The following LRRTM4 variants were observed in gnomAD, a reference collection of about 807,000 sequenced individuals.
The protein encoded by LRRTM4 is leucine-rich repeat transmembrane neuronal protein 4.
A neutral mutation model predicts 47.6 loss-of-function variants in LRRTM4; 25 were observed. The observed-to-expected ratio is 0.53, with a 90% CI of 0.38 to 0.73. The LOEUF (loss-of-function observed/expected upper bound fraction) is 0.73, where lower values mean the gene tolerates loss of function less well. Ranked by LOEUF, LRRTM4 falls within the 30% of genes least tolerant of loss-of-function variation. The pLI, the probability that LRRTM4 is intolerant of heterozygous loss-of-function variation, is 0.00. For synonymous variants in LRRTM4, 311 were observed against 269.5 expected (o/e 1.15, Z -1.51); for missense variants, 638 against 713.4 (o/e 0.89, Z 1.20).
At chr2:77,062,932 T>G (rs1679835268) in intron 3 of LRRTM4, among the ~76,000 whole-genome samples, 1 of 112,098 alleles carries the variant, frequency 8.9e-6, no homozygotes, top group African/African-American at 3.1e-5. Flanking sequence ...GTTCCTCTTG[T>G]TCTTTTTTAA....
rs1168750442 is a variant in LRRTM4, at chr2:76,796,124, C to T, written c.1552-47208G>A. The stretch of plus-strand genomic sequence containing the variant: ...TTTTCAGACAGGCTTAAAAAAACGG[C>T]ACACCACAAGATTATATCCCGCACA... On this transcript the variant is annotated intron_variant, in intron 3 of 3. Transcript: ENST00000409884. 1.1e-4 allele frequency among the ~76,000 whole-genome samples: 16 copies of T among 141,066 alleles called. 2 individuals carry two copies. The highest frequency in any genetic ancestry group is 1.6e-4 in the Non-Finnish European group (10 of 63,782). The allele number at this position is 141,066 out of a possible 152,430, so 92.5% of individuals were successfully genotyped here. A position where few individuals can be genotyped will look rare whatever the true frequency, so the allele number is the denominator to read the frequency against.
intron 3 of LRRTM4, among the ~76,000 whole-genome samples, chr2:76,981,005 A>G (rs1484781298): frequency 6.6e-6 from 1 of 152,106 alleles, no homozygotes; most frequent in Non-Finnish European, 1.5e-5. Flanking sequence ...TCCTTGGGGC[A>G]AAGTTGTAAT....
intron 3 of LRRTM4, among the ~76,000 whole-genome samples, chr2:77,058,346 C>A (rs971031145): frequency 6.6e-6 from 1 of 152,044 alleles, no homozygotes; most frequent in Non-Finnish European, 1.5e-5. Context: ...CTAGAGCTAC[C>A]GACCATGAAA....
chr2:76,835,069 A>G (rs1276768686), intron 3 of LRRTM4, among the ~76,000 whole-genome samples: 1 of 152,140 alleles, frequency 6.6e-6, no homozygotes, highest in Non-Finnish European at 1.5e-5. Context: ...ATTTGAAAGA[A>G]TCATTCTTTT....
At chr2:77,013,608 C>T (rs1199896418) in intron 3 of LRRTM4, among the ~76,000 whole-genome samples, 5 of 151,980 alleles carry the variant, frequency 3.3e-5, no homozygotes, top group East Asian at 1.9e-4. Context: ...GAACAGGATA[C>T]GAGTTACAAT....
At chr2:77,475,190 T>C (rs1181788178) in intron 3 of LRRTM4, among the ~76,000 whole-genome samples, 4 of 152,108 alleles carry the variant, frequency 2.6e-5, no homozygotes, top group Non-Finnish European at 5.9e-5. Flanking sequence ...GTTTTGCAGC[T>C]GTAGCAACTC....
chr2:77,086,510 T>C (rs1680721646), intron 3 of LRRTM4, among the ~76,000 whole-genome samples: 1 of 147,424 alleles, frequency 6.8e-6, no homozygotes, highest in Non-Finnish European at 1.5e-5. Flanking sequence ...GGAGTTTCGC[T>C]CTTTTTGCCC....
chr2:77,252,212 G>T (rs960683287), intron 3 of LRRTM4, among the ~76,000 whole-genome samples: 1 of 152,126 alleles, frequency 6.6e-6, no homozygotes, highest in Non-Finnish European at 1.5e-5. Context: ...CATGTAAGGG[G>T]TGTAAATCTT....
chr2:77,041,385 C>T (rs1201540952), intron 3 of LRRTM4, among the ~76,000 whole-genome samples: 2 of 151,408 alleles, frequency 1.3e-5, no homozygotes, highest in Non-Finnish European at 3.0e-5. Context: ...CATGGGAGTA[C>T]AGGTACCTCC....
intron 3 of LRRTM4, among the ~76,000 whole-genome samples, chr2:77,307,016 C>A (rs1338959035): frequency 6.6e-6 from 1 of 150,500 alleles, no homozygotes; most frequent in Non-Finnish European, 1.5e-5. Flanking sequence ...TCTCCTGCCT[C>A]AGCCTCCCGC....
intron 3 of LRRTM4, among the ~76,000 whole-genome samples, chr2:76,857,343 T>TATAA (rs1558696362): frequency 1.0e-4 from 15 of 148,466 alleles, no homozygotes; most frequent in African/African-American, 3.5e-4. Flanking sequence ...TATATATTTA[T>TATAA]TCCTTAGCAA....
At chr2:77,440,454 T>A (rs1675797542) in intron 3 of LRRTM4, among the ~76,000 whole-genome samples, 1 of 152,180 alleles carries the variant, frequency 6.6e-6, no homozygotes, top group Non-Finnish European at 1.5e-5. Flanking sequence ...TAACACCACA[T>A]AGGAGTGCAA....
At chr2:76,869,861 T>A (rs994032217) in intron 3 of LRRTM4, among the ~76,000 whole-genome samples, 4 of 152,178 alleles carry the variant, frequency 2.6e-5, no homozygotes, top group Non-Finnish European at 5.9e-5. Flanking sequence ...TAATATGTTA[T>A]AAACTTGAAT....
intron 3 of LRRTM4, among the ~76,000 whole-genome samples, chr2:77,187,778 T>C (rs1673552179): frequency 6.6e-6 from 1 of 151,846 alleles, no homozygotes; most frequent in South Asian, 2.1e-4. Flanking sequence ...TAAACAAAAA[T>C]AAAAAATATA....
intron 3 of LRRTM4, among the ~76,000 whole-genome samples, chr2:77,090,923 A>G (rs1430699553): frequency 6.6e-6 from 1 of 152,022 alleles, no homozygotes; most frequent in Non-Finnish European, 1.5e-5. Flanking sequence ...GTGGAAGGTA[A>G]GCCCATCCCC....
At chr2:77,245,695 T>C (rs1280088933) in intron 3 of LRRTM4, among the ~76,000 whole-genome samples, 1 of 151,906 alleles carries the variant, frequency 6.6e-6, no homozygotes, top group Non-Finnish European at 1.5e-5. Context: ...GCAAACTAGC[T>C]CTCAATCTAG....
chr2:77,102,724 C>T (rs1031038827), intron 3 of LRRTM4, among the ~76,000 whole-genome samples: 5 of 152,150 alleles, frequency 3.3e-5, no homozygotes, highest in African/African-American at 1.2e-4. Context: ...ATTGGGCTGA[C>T]TCATGAAATT....
At chr2:76,974,155 CATAT>C (rs67575216) in intron 3 of LRRTM4, among the ~76,000 whole-genome samples, 12 of 128,302 alleles carry the variant, frequency 9.4e-5, no homozygotes, top group African/African-American at 3.1e-4. Flanking sequence ...TATATACATA[CATAT>C]ATATATATAC....
intron 3 of LRRTM4, among the ~76,000 whole-genome samples, chr2:77,176,398 T>C (rs901397209): frequency 6.6e-6 from 1 of 152,204 alleles, no homozygotes; most frequent in Non-Finnish European, 1.5e-5. Flanking sequence ...ATACGACTTA[T>C]AGTCTAAAAC....
Sources: allele counts gnomAD v4.1 joint callset (sites outside exome capture counted in the v4.1 genomes callset), GRCh38; gene constraint gnomAD v4.1.1; transcripts MANE v1.5; gene names NCBI Gene and HGNC (gene_info 2026-07-23, HGNC 2026-07-21).